Variants in CFAP57 observed in about 807,000 individuals in gnomAD.
CFAP57 encodes cilia- and flagella-associated protein 57.
A neutral mutation model predicts 146.8 loss-of-function variants in CFAP57; 116 were observed. The observed-to-expected ratio is 0.79, with a 90% CI of 0.68 to 0.92. The LOEUF is 0.92. CFAP57 is among the 40% of genes least tolerant of loss of function. The pLI, the probability that CFAP57 is intolerant of heterozygous loss-of-function variation, is 0.00. For missense variants in CFAP57, 1,377 were observed against 1,527.2 expected (o/e 0.90, Z 1.64); for synonymous variants, 518 against 552.8 (o/e 0.94, Z 0.88).
rs1242525341 is a variant in CFAP57 at position 43,222,924 on chromosome 1, A to G, written c.2633A>G (p.Tyr878Cys). Residue 878 changes from tyrosine (Y) to cysteine (C), a missense_variant, in exon 16 of 23, where the codon TAT becomes TGT. Transcript: ENST00000372492. Reference sequence around the variant, plus strand: ...GAAATCCAAGATATCAAAACCAAGTATGAGAAAAAGCTTCGGGATGAAAAG... The same window carrying G: ...GAAATCCAAGATATCAAAACCAAGTGTGAGAAAAAGCTTCGGGATGAAAAG... Reference protein sequence around the residue: ...DREIQDIKTKYEKKLRDEKES... With the variant: ...DREIQDIKTKCEKKLRDEKES... The G allele has an allele frequency of 1.3e-6, 2 of 1,550,608 alleles. No individual in the cohort carries two copies. Among genetic ancestry groups the G allele is most frequent in the Admixed American group, 2.0e-5 (1 of 50,988 alleles).
intron 16 of CFAP57, 79 bp from the exon 17 acceptor site, chr1:43,223,967 C>T: frequency 6.6e-7 from 1 of 1,510,058 alleles, no homozygotes; most frequent in Non-Finnish European, 8.9e-7. Flanking sequence ...GGTGGGGAGC[C>T]CCTTACACTG....
At chr1:43,205,181 C>A (rs986935231) in intron 9 of CFAP57, among the ~76,000 whole-genome samples, 1 of 152,204 alleles carries the variant, frequency 6.6e-6, no homozygotes, top group African/African-American at 2.4e-5. Context: ...CTTGTTCTAT[C>A]AAAATTCCAC....
chr1:43,213,447 C>T (rs184651050), intron 11 of CFAP57, among the ~76,000 whole-genome samples: 7 of 151,506 alleles, frequency 4.6e-5, no homozygotes, highest in African/African-American at 1.7e-4. Flanking sequence ...TTCATTCATC[C>T]ACTGATGGAC....
At chr1:43,240,065 T>G (rs1645851446) in intron 21 of CFAP57, among the ~76,000 whole-genome samples, 1 of 152,158 alleles carries the variant, frequency 6.6e-6, no homozygotes, top group Non-Finnish European at 1.5e-5. Context: ...CATGGGAGGA[T>G]CTAGCAGAGT....
At chr1:43,233,960 C>T (rs1645579325) in intron 19 of CFAP57, among the ~76,000 whole-genome samples, 3 of 152,154 alleles carry the variant, frequency 2.0e-5, no homozygotes, top group African/African-American at 7.2e-5. Flanking sequence ...TTCCTTTTAT[C>T]TTTTAAGGCC....
intron 6 of CFAP57, among the ~76,000 whole-genome samples, chr1:43,189,453 G>C (rs979656390): frequency 2.6e-5 from 4 of 152,026 alleles, no homozygotes; most frequent in Admixed American, 6.5e-5. Context: ...TATAACTTTT[G>C]CACTTCTTTT....
intron 22 of CFAP57, among the ~76,000 whole-genome samples, chr1:43,243,740 G>T (rs922808135): frequency 1.3e-5 from 2 of 152,162 alleles, no homozygotes; most frequent in African/African-American, 4.8e-5. Flanking sequence ...ATTTAAAAAA[G>T]CACTCTGTTT....
intron 21 of CFAP57, among the ~76,000 whole-genome samples, chr1:43,235,969 G>A (rs775285321): frequency 1.3e-5 from 2 of 152,208 alleles, no homozygotes; most frequent in African/African-American, 2.4e-5. Context: ...GCTAGCCAGA[G>A]GGTGTGAGCG....
At chr1:43,248,319 C>CTT (rs763437285) in intron 22 of CFAP57, among the ~76,000 whole-genome samples, 22 of 133,464 alleles carry the variant, frequency 1.6e-4, no homozygotes, top group African/African-American at 2.0e-4. Flanking sequence ...AAAAAATTTT[C>CTT]TTTTTTTTTT....
intron 12 of CFAP57, among the ~76,000 whole-genome samples, chr1:43,218,678 G>A (rs1163061984): frequency 3.3e-5 from 5 of 152,092 alleles, no homozygotes. Context: ...GAAGAGTTAG[G>A]ACCTATATTA....
chr1:43,173,057 TG>T (rs1645038386), intron 2 of CFAP57, 147 bp downstream of exon 2: 1 of 704,794 alleles, frequency 1.4e-6, no homozygotes, highest in Non-Finnish European at 2.5e-6. Flanking sequence ...AATGGCGACT[TG>T]TATTATGAAA....
chr1:43,188,500 T>C (rs896768415), intron 6 of CFAP57, among the ~76,000 whole-genome samples: 4 of 152,246 alleles, frequency 2.6e-5, no homozygotes, highest in Non-Finnish European at 5.9e-5. Context: ...TATCTCATTG[T>C]GGTTTTGATT....
chr1:43,227,965 T>C (rs1645317867), intron 18 of CFAP57, among the ~76,000 whole-genome samples: 1 of 152,142 alleles, frequency 6.6e-6, no homozygotes, highest in African/African-American at 2.4e-5. Context: ...CTGATCAATT[T>C]CCAAAACATA....
chr1:43,196,166 G>T (rs1643864195), intron 6 of CFAP57, among the ~76,000 whole-genome samples: 1 of 152,244 alleles, frequency 6.6e-6, no homozygotes, highest in Non-Finnish European at 1.5e-5. Flanking sequence ...TCATGCATTT[G>T]CAGTGAAACC....
intron 10 of CFAP57, among the ~76,000 whole-genome samples, 171 bp from the exon 11 acceptor site, chr1:43,209,572 C>T (rs148833154): frequency 7.8e-4 from 119 of 152,210 alleles, no homozygotes; most frequent in African/African-American, 2.7e-3. Flanking sequence ...ATCTAGTTTG[C>T]GCCTTTTTTT....
Position 43,183,609 on chromosome 1 carries a change from G to T in CFAP57, c.493G>T (p.Asp165Tyr). The change falls in exon 4 of 23, where the codon GAT becomes TAT. Residue 165 changes from aspartate to tyrosine, a missense_variant. Coordinates refer to ENST00000372492, the MANE Select transcript of CFAP57 (RefSeq NM_001378189.1). ...TTTACAGGTGAGCTTCAGTCCACAG[G>T]ATAACACTCAGGTGTGTGTCACTGG... ...PVYQVSFSPQ[D>Y]NTQVCVTGNG... 1.2e-6 allele frequency: 2 copies of T among 1,614,138 alleles called. No individual in the cohort carries two copies. Among genetic ancestry groups the T allele is most frequent in the African/African-American group, 1.3e-5 (1 of 75,032 alleles).
intron 17 of CFAP57, 52 bp downstream of exon 17, chr1:43,224,256 A>G: frequency 6.8e-7 from 1 of 1,469,440 alleles, no homozygotes; most frequent in Non-Finnish European, 9.0e-7. Context: ...GGCCAAGGCG[A>G]GGAAGGCAAA....
intron 18 of CFAP57, among the ~76,000 whole-genome samples, chr1:43,230,233 T>C (rs1645412121): frequency 6.6e-6 from 1 of 152,172 alleles, no homozygotes; most frequent in African/African-American, 2.4e-5. Flanking sequence ...TCAGACATGA[T>C]CTTCGGGAGC....
At position 43,224,012 on chromosome 1, in the gene CFAP57, T is replaced by C. The variant is rs762869648; in HGVS notation, c.2707-34T>C. ...GAGGGATGGAGATGAGTTCTGACTT[T>C]AGTGGTCTTTGTTGTTGCTGTTCGC... is the stretch of plus-strand genomic sequence containing the variant. On this transcript the variant is annotated intron_variant, in intron 16 of 22. Transcript: ENST00000372492. 2.2e-5 allele frequency: 34 copies of C among 1,549,456 alleles called. No individual in the cohort carries two copies. In the African/African-American group the frequency reaches 2.3e-4, roughly 11 times the overall value.
Sources: gnomAD v4.1 joint callset for allele counts (sites outside exome capture counted in the v4.1 genomes callset) on GRCh38, gnomAD v4.1.1 for gene constraint, MANE v1.5 for transcripts, NCBI Gene and HGNC (gene_info 2026-07-23, HGNC 2026-07-21) for gene names.